BRAF: variants seen among roughly 807,000 people sequenced by gnomAD.
BRAF encodes the protein B-Raf proto-oncogene, serine/threonine kinase.
BRAF carries 16 observed loss-of-function variants against 104.6 expected under a neutral mutation model. That is an observed-to-expected ratio of 0.15 (90% confidence interval 0.10 to 0.23). The LOEUF (loss-of-function observed/expected upper bound fraction) is 0.23, where lower values mean the gene tolerates loss of function less well. BRAF is among the 10% of genes least tolerant of loss of function. BRAF has a pLI of 1.00. For synonymous variants in BRAF, 310 were observed against 341.6 expected (o/e 0.91, Z 1.02); for missense variants, 541 against 937.3 (o/e 0.58, Z 5.52).
chr7:140,718,889 A>G (rs1277829466), downstream of BRAF, among the ~76,000 whole-genome samples: 1 of 152,232 alleles, frequency 6.6e-6, no homozygotes, highest in African/African-American at 2.4e-5. Context: ...GCATAGTTTC[A>G]AGTAAATGTT....
chr7:140,869,723 C>T (rs1292076665), intron 1 of BRAF, among the ~76,000 whole-genome samples: 1 of 152,082 alleles, frequency 6.6e-6, no homozygotes, highest in East Asian at 1.9e-4. Context: ...ACAACTTAAT[C>T]AAGGCTATTC....
chr7:140,876,702 T>C (rs78934615), intron 1 of BRAF, among the ~76,000 whole-genome samples: 41 of 152,328 alleles, frequency 2.7e-4, no homozygotes, highest in Non-Finnish European at 4.1e-4. Flanking sequence ...TTCTTAATTA[T>C]ATTTGATGAC....
rs185828337 is a variant in BRAF at position 140,832,912 on chromosome 7, T to C, written c.504+1697A>G. 1.1e-4 allele frequency among the ~76,000 whole-genome samples: 16 copies of C among 151,330 alleles called. No homozygotes were observed. The South Asian group carries it at 1.5e-3, about 14-fold the overall frequency. On this transcript the variant is annotated intron_variant, in intron 3 of 19. Coordinates refer to ENST00000644969, the MANE Select transcript of BRAF (RefSeq NM_001374258.1). Reference sequence around the variant, plus strand: ...TTTTTGAGATGGAGTCTCGCTCTGTTGCCCAGGCTGGAGTGCAGTGGCGCG... The same window carrying C: ...TTTTTGAGATGGAGTCTCGCTCTGTCGCCCAGGCTGGAGTGCAGTGGCGCG...
intron 1 of BRAF, among the ~76,000 whole-genome samples, chr7:140,860,199 A>T (rs1245401240): frequency 1.3e-5 from 2 of 152,160 alleles, no homozygotes; most frequent in Non-Finnish European, 2.9e-5. Context: ...TTGGCATTAT[A>T]ATTTAGTGGG....
Position 140,749,404 on chromosome 7 carries a change from G to A in BRAF, c.1995C>T (p.Ile665=), listed in dbSNP as rs771285548. The A allele has an allele frequency of 2.5e-6, 4 of 1,612,944 alleles. No homozygotes were observed. The highest frequency in any genetic ancestry group is 2.5e-6 in the Non-Finnish European group (3 of 1,179,392). Residue 665 remains isoleucine (I), a synonymous_variant, in exon 17 of 20, where the codon ATC becomes ATT. Transcript: ENST00000644969. ...GSILWMAPEV[I]RMQDKNPYSF... ...TGTATGGATTTTTATCTTGCATTCT[G>A]ATGACTTCTGGTGCCTGTTAGAACA...
At position 140,723,645 on chromosome 7, in the gene BRAF, T is replaced by C. The variant is rs1795433723; in HGVS notation, c.*2849A>G. 9.5e-7 allele frequency: 1 copy of C among 1,050,332 alleles called. No homozygotes were observed. Among genetic ancestry groups the C allele is most frequent in the Admixed American group, 5.5e-5 (1 of 18,208 alleles). The allele number at this position is 1,050,332 out of a possible 1,614,324, so 65.1% of individuals were successfully genotyped here. On this transcript the variant is annotated 3_prime_UTR_variant, in exon 20 of 20. Coordinates refer to ENST00000644969, the MANE Select transcript of BRAF (RefSeq NM_001374258.1). ...GATGAAAAAAGTCCATCAGGAATAC[T>C]ACACAGTTACAAACAATCCTCTGTA...
chr7:140,868,829 T>C (rs1384923605), intron 1 of BRAF, among the ~76,000 whole-genome samples: 2 of 152,204 alleles, frequency 1.3e-5, no homozygotes, highest in African/African-American at 2.4e-5. Flanking sequence ...ATAGTGTAAA[T>C]GCCAAGAAAC....
intron 18 of BRAF, among the ~76,000 whole-genome samples, chr7:140,735,252 C>T (rs916481654): frequency 3.3e-5 from 5 of 152,180 alleles, no homozygotes; most frequent in Non-Finnish European, 7.3e-5. Flanking sequence ...GTTTTACATA[C>T]ACCTAATTGA....
chr7:140,779,127 C>A (rs1800605243), intron 12 of BRAF, among the ~76,000 whole-genome samples: 3 of 152,230 alleles, frequency 2.0e-5, no homozygotes. Flanking sequence ...AAAGAGTACA[C>A]ACTATGCACT....
intron 1 of BRAF, among the ~76,000 whole-genome samples, chr7:140,859,685 ATTT>A (rs60932962): frequency 8.4e-5 from 11 of 131,640 alleles, no homozygotes; most frequent in Non-Finnish European, 6.3e-5. Flanking sequence ...CTGATTGTAA[ATTT>A]TTTTTTTTTT....
chr7:140,813,287 T>C (rs1213971996), intron 3 of BRAF, among the ~76,000 whole-genome samples: 3 of 152,092 alleles, frequency 2.0e-5, no homozygotes, highest in Non-Finnish European at 4.4e-5. Flanking sequence ...TTCACACATA[T>C]GAAAACATGT....
chr7:140,883,122 C>G (rs1186688629), intron 1 of BRAF, among the ~76,000 whole-genome samples: 2 of 152,114 alleles, frequency 1.3e-5, no homozygotes, highest in South Asian at 2.1e-4. Flanking sequence ...AATACCAAAA[C>G]AGTTGATCTT....
At chr7:140,778,756 G>A (rs1186281633) in intron 12 of BRAF, among the ~76,000 whole-genome samples, 1 of 151,316 alleles carries the variant, frequency 6.6e-6, no homozygotes, top group Non-Finnish European at 1.5e-5. Context: ...AAAACTTTAT[G>A]TGAAACAGCT....
chr7:140,873,974 A>G (rs1811903372), intron 1 of BRAF, among the ~76,000 whole-genome samples: 1 of 152,208 alleles, frequency 6.6e-6, no homozygotes, highest in Admixed American at 6.5e-5. Context: ...GCCAAGAATA[A>G]AAATAAAAAC....
In BRAF at chr7:140,723,067, C is replaced by T; in HGVS notation, c.*3427G>A. 1 of 1,051,596 alleles carries T rather than the reference C, an allele frequency of 9.5e-7. No homozygotes were observed. Among genetic ancestry groups the T allele is most frequent in the Non-Finnish European group, 1.1e-6 (1 of 870,720 alleles). 65.1% of individuals were successfully genotyped at this position (1,051,596 alleles called of 1,614,324 possible). Reference sequence around the variant, plus strand: ...TAAAATAAATAACTATTCATTACCTCATTCTGAAGAGGTAGTTTTTTGTAG... The same window carrying T: ...TAAAATAAATAACTATTCATTACCTTATTCTGAAGAGGTAGTTTTTTGTAG... On this transcript the variant is annotated 3_prime_UTR_variant, in exon 20 of 20. Transcript: ENST00000644969.
intron 1 of BRAF, among the ~76,000 whole-genome samples, chr7:140,859,945 C>T (rs1810227383): frequency 6.6e-6 from 1 of 152,178 alleles, no homozygotes; most frequent in Non-Finnish European, 1.5e-5. Flanking sequence ...CTTCAGCCTC[C>T]CAAAGTGCTG....
chr7:140,840,436 A>G (rs558449285), intron 2 of BRAF, among the ~76,000 whole-genome samples: 3 of 152,182 alleles, frequency 2.0e-5, no homozygotes, highest in African/African-American at 7.2e-5. Context: ...AAAGAGTGGG[A>G]AAAAATACCA....
chr7:140,904,879 T>C (rs1473844114), intron 1 of BRAF, among the ~76,000 whole-genome samples: 2 of 152,202 alleles, frequency 1.3e-5, no homozygotes, highest in Non-Finnish European at 2.9e-5. Flanking sequence ...AGTGCTGGGA[T>C]TACAGGTGTG....
chr7:140,902,437 C>T (rs1274157853), intron 1 of BRAF, among the ~76,000 whole-genome samples: 1 of 152,140 alleles, frequency 6.6e-6, no homozygotes. Flanking sequence ...AATTAAAAAC[C>T]CTACAATGAC....
Sources: gnomAD v4.1 joint callset for allele counts (sites outside exome capture counted in the v4.1 genomes callset) on GRCh38, gnomAD v4.1.1 for gene constraint, MANE v1.5 for transcripts, NCBI Gene and HGNC (gene_info 2026-07-23, HGNC 2026-07-21) for gene names.